RASAL3: variants seen among roughly 807,000 people sequenced by gnomAD.
RASAL3 encodes the protein RAS protein activator like 3, also known as RAS protein activator like-3.
RASAL3 carries 74 observed loss-of-function variants against 105.5 expected under a neutral mutation model. The observed-to-expected ratio is 0.70, with a 90% CI of 0.58 to 0.85. RASAL3 has a LOEUF of 0.85. Ranked by LOEUF, RASAL3 falls within the 40% of genes least tolerant of loss-of-function variation. RASAL3 has a pLI of 0.00. For synonymous variants in RASAL3, 579 were observed against 591.6 expected, an observed-to-expected ratio of 0.98 and a Z score of 0.31; for missense variants, 1,352 against 1,392.0, an observed-to-expected ratio of 0.97 and a Z score of 0.46.
chr19:15,461,754 CT>C, intron 2 of RASAL3, 147 bp from the exon 3 acceptor site: 2 of 1,225,260 alleles, frequency 1.6e-6, no homozygotes, highest in Non-Finnish European at 2.1e-6. Context: ...CTTGGGCAAG[CT>C]TTCATCGCTG....
In RASAL3 at chr19:15,456,310, TCCTCCAA is replaced by T; in HGVS notation, c.1577-69_1577-63del. ...TGACCACCAAAACCTGCCACACCCATCCTCCAACCTTGTCTTCAGGTTATTCCGGAGG... is the reference window on the plus strand; with the variant it reads ...TGACCACCAAAACCTGCCACACCCATCCTTGTCTTCAGGTTATTCCGGAGG... On this transcript the variant is annotated intron_variant, in intron 10 of 17. Transcript: ENST00000343625. This position sits in a 1 kb window ranked among gnomAD's most constrained non-coding sequence, Gnocchi z 4.4. 1 of 1,589,288 alleles carries T rather than the reference TCCTCCAA, an allele frequency of 6.3e-7. No homozygotes were observed. The highest frequency in any genetic ancestry group is 8.6e-7 in the Non-Finnish European group (1 of 1,164,476).
At position 15,461,365 on chromosome 19, in the gene RASAL3, G is replaced by C. The variant is rs1000266910; in HGVS notation, c.466-69C>G. 31 of 1,546,544 alleles carry C rather than the reference G, an allele frequency of 2.0e-5. No homozygotes were observed. The Middle Eastern group carries it at 5.0e-4, about 25-fold the overall frequency. Reference sequence around the variant, plus strand: ...AGGCAGGCAGGCAGGCAGACCGAGGGAGAGGCAGACACCTTCCCATTATCC... The same window carrying C: ...AGGCAGGCAGGCAGGCAGACCGAGGCAGAGGCAGACACCTTCCCATTATCC... On this transcript the variant is annotated intron_variant, in intron 3 of 17. Transcript: ENST00000343625.
At position 15,456,234 on chromosome 19, in the gene RASAL3, G is replaced by T; in HGVS notation, c.1591C>A (p.Arg531Ser). 6.2e-7 allele frequency: 1 copy of T among 1,613,690 alleles called. No homozygotes were observed. Among genetic ancestry groups the T allele is most frequent in the Non-Finnish European group, 8.5e-7 (1 of 1,179,752 alleles). Residue 531 changes from arginine to serine, a missense_variant, in exon 11 of 18, where the codon CGT becomes AGT. Arg to Ser is a moderately radical substitution (Grantham distance 110, BLOSUM62 -1). Coordinates refer to ENST00000343625, the MANE Select transcript of RASAL3 (RefSeq NM_022904.3). This position sits in a 1 kb window ranked among gnomAD's most constrained non-coding sequence, Gnocchi z 4.4. The part of the protein sequence containing the change: ...LQETLGQVVR[R>S]LCASTEDCEV... ...CAGTCCTCAGTAGAAGCACAGAGAC[G>T]CCGCACAACCTGTCCTGCAGCCCAG...
chr19:15,464,217 T>G lies in RASAL3; in HGVS notation c.142A>C (p.Arg48=). The change falls in exon 2 of 18, where the codon AGG becomes CGG. Residue 48 remains arginine (R), a synonymous_variant. Transcript: ENST00000343625. ...FRWGRFAGWG[R]ALSHQEPMVS... ...ATGGGCTCCTGGTGGCTCAGGGCCCTGCCCCAGCCAGCAAAGCGGCCCCAG... is the reference window on the plus strand; with the variant it reads ...ATGGGCTCCTGGTGGCTCAGGGCCCGGCCCCAGCCAGCAAAGCGGCCCCAG... 3.1e-6 allele frequency: 5 copies of G among 1,609,516 alleles called. No individual in the cohort carries two copies. The highest frequency in any genetic ancestry group is 4.2e-6 in the Non-Finnish European group (5 of 1,178,616).
Position 15,453,614 on chromosome 19 carries a change from G to C in RASAL3, c.2280-117C>G. The C allele has an allele frequency of 1.0e-6, 1 of 967,594 alleles. No individual in the cohort carries two copies. Among genetic ancestry groups the C allele is most frequent in the Non-Finnish European group, 1.4e-6 (1 of 700,596 alleles). The allele number at this position is 967,594 out of a possible 1,614,324, so 59.9% of individuals were successfully genotyped here. A position where few individuals can be genotyped will look rare whatever the true frequency, so the allele number is the denominator to read the frequency against. On this transcript the variant is annotated intron_variant, in intron 14 of 17. Coordinates refer to ENST00000343625, the MANE Select transcript of RASAL3 (RefSeq NM_022904.3). The surrounding 1 kb of genome is among the most constrained non-coding windows in gnomAD (Gnocchi z 4.2). The stretch of plus-strand genomic sequence containing the variant: ...AACTTGTCCTTTCTTTTTTTTTTTT[G>C]AGACAAGGTCTTGCTCTGTCGCCCA...
In RASAL3 at chr19:15,457,181, G is replaced by A; in HGVS notation, c.1431+111C>T. 1.1e-6 allele frequency: 1 copy of A among 942,010 alleles called. No homozygotes were observed. The highest frequency in any genetic ancestry group is 3.6e-5 in the South Asian group (1 of 28,098). 58.4% of individuals were successfully genotyped at this position (942,010 alleles called of 1,614,324 possible). A position where few individuals can be genotyped will look rare whatever the true frequency, so the allele number is the denominator to read the frequency against. On this transcript the variant is annotated intron_variant, in intron 9 of 17. Coordinates refer to ENST00000343625, the MANE Select transcript of RASAL3 (RefSeq NM_022904.3). The surrounding 1 kb of genome is among the most constrained non-coding windows in gnomAD (Gnocchi z 8.6). Reference sequence around the variant, plus strand: ...GACCACGCCCCTCACACCCCTTCAAGGTGTCTCCCCCATTACAGGTGCAAC... The same window carrying A: ...GACCACGCCCCTCACACCCCTTCAAAGTGTCTCCCCCATTACAGGTGCAAC...
intron 14 of RASAL3, 74 bp downstream of exon 14, chr19:15,454,075 C>T (rs1970240710): frequency 1.9e-6 from 2 of 1,076,962 alleles, no homozygotes; most frequent in Admixed American, 2.4e-5. Flanking sequence ...GATCCAACTT[C>T]ACCTCTGACC....
In RASAL3 at chr19:15,456,077, C is replaced by A. The variant is rs573078904; in HGVS notation, c.1721+27G>T. 1 of 1,608,238 alleles carries A rather than the reference C, an allele frequency of 6.2e-7. No homozygotes were observed. ...GGCTAGCATGGTAAGCAGGGGTGGGCTAAGCTGCTGGGGCCCTGATTCTCA... is the reference window on the plus strand; with the variant it reads ...GGCTAGCATGGTAAGCAGGGGTGGGATAAGCTGCTGGGGCCCTGATTCTCA... On this transcript the variant is annotated intron_variant, in intron 11 of 17. Transcript: ENST00000343625. The surrounding 1 kb of genome is among the most constrained non-coding windows in gnomAD (Gnocchi z 4.4).
chr19:15,463,146 T>C (rs1343954699), intron 2 of RASAL3, among the ~76,000 whole-genome samples: 3 of 150,628 alleles, frequency 2.0e-5, no homozygotes, highest in African/African-American at 7.3e-5. Flanking sequence ...AGTGCAGTAG[T>C]GCAATCTCAG....
Position 15,457,172 on chromosome 19 carries a change from C to A in RASAL3, c.1431+120G>T, listed in dbSNP as rs942873519. The A allele has an allele frequency of 9.1e-6, 8 of 881,164 alleles. No homozygotes were observed. The Admixed American group carries it at 1.2e-4, about 14-fold the overall frequency. 54.6% of individuals were successfully genotyped at this position (881,164 alleles called of 1,614,324 possible). A position where few individuals can be genotyped will look rare whatever the true frequency, so the allele number is the denominator to read the frequency against. On this transcript the variant is annotated intron_variant, in intron 9 of 17. Coordinates refer to ENST00000343625, the MANE Select transcript of RASAL3 (RefSeq NM_022904.3). This position sits in a 1 kb window ranked among gnomAD's most constrained non-coding sequence, Gnocchi z 8.6. ...TGACACTTGGACCACGCCCCTCACACCCCTTCAAGGTGTCTCCCCCATTAC... is the reference window on the plus strand; with the variant it reads ...TGACACTTGGACCACGCCCCTCACAACCCTTCAAGGTGTCTCCCCCATTAC...
rs1970369482 is a variant in RASAL3, at chr19:15,457,672, A to G, written c.1051T>C (p.Trp351Arg). The change falls in exon 9 of 18, where the codon TGG becomes CGG. Residue 351 changes from tryptophan (W) to arginine (R), a missense_variant. Around this residue, in one of 3 missense-constraint regions of RASAL3, gnomAD observed 920 missense variants for 919.6 expected, o/e 1.00. Coordinates refer to ENST00000343625, the MANE Select transcript of RASAL3 (RefSeq NM_022904.3). The surrounding 1 kb of genome is among the most constrained non-coding windows in gnomAD (Gnocchi z 8.6). ...APRAGPGQLF[W>R]AERFHFEALP... Reference sequence around the variant, plus strand: ...GCCTCGAAGTGGAAGCGCTCGGCCCAGAAGAGCTGGCCTGGGCCGGCCCGA... The same window carrying G: ...GCCTCGAAGTGGAAGCGCTCGGCCCGGAAGAGCTGGCCTGGGCCGGCCCGA... 1.4e-6 allele frequency: 2 copies of G among 1,449,530 alleles called. No homozygotes were observed. Among genetic ancestry groups the G allele is most frequent in the Non-Finnish European group, 1.8e-6 (2 of 1,103,152 alleles). The allele number at this position is 1,449,530 out of a possible 1,614,324, so 89.8% of individuals were successfully genotyped here.
rs148980344 is a variant in RASAL3, at chr19:15,457,227, C to A, written c.1431+65G>T. 25,888 of 1,211,104 alleles carry A rather than the reference C, an allele frequency of 0.021. 336 individuals are homozygous for A. The highest frequency in any genetic ancestry group is 0.024 in the Non-Finnish European group (23,326 of 965,096). The allele number at this position is 1,211,104 out of a possible 1,614,324, so 75.0% of individuals were successfully genotyped here. On this transcript the variant is annotated intron_variant, in intron 9 of 17. Transcript: ENST00000343625. The surrounding 1 kb of genome is among the most constrained non-coding windows in gnomAD (Gnocchi z 8.6). Reference sequence around the variant, plus strand: ...GCAACTCAGGTCCTGCGCCCCAACTCCTGCCCGAAGCGCGTTATCGGTCTA... The same window carrying A: ...GCAACTCAGGTCCTGCGCCCCAACTACTGCCCGAAGCGCGTTATCGGTCTA...
chr19:15,457,450 G>T lies in RASAL3; in HGVS notation c.1273C>A (p.Arg425Ser). ...LRARIRARRLRVLPSERYKEL... is the reference protein window; with the variant it reads ...LRARIRARRLSVLPSERYKEL... ...TTGTAGCGCTCGGACGGCAGCACGC[G>T]CAGGCGACGCGCCCGAATCCGCGCC... The change falls in exon 9 of 18, where the codon CGC (arginine) becomes AGC (serine). Residue 425 changes from arginine (R) to serine (S), a missense_variant. Transcript: ENST00000343625. This position sits in a 1 kb window ranked among gnomAD's most constrained non-coding sequence, Gnocchi z 8.6. The T allele has an allele frequency of 7.1e-7, 1 of 1,406,528 alleles. No individual in the cohort carries two copies. Among genetic ancestry groups the T allele is most frequent in the Non-Finnish European group, 9.2e-7 (1 of 1,081,624 alleles). The allele number at this position is 1,406,528 out of a possible 1,614,324, so 87.1% of individuals were successfully genotyped here.
chr19:15,453,097 C>T lies in RASAL3; in HGVS notation c.2670+10G>A. 1 of 1,613,354 alleles carries T rather than the reference C, an allele frequency of 6.2e-7. No homozygotes were observed. ...CCACTCCCCAGGCGCGGACCTGGGC[C>T]TGACCTTACCTTGTTCACAGGTCGG... On this transcript the variant is annotated intron_variant, in intron 15 of 17. Transcript: ENST00000343625. The surrounding 1 kb of genome is among the most constrained non-coding windows in gnomAD (Gnocchi z 4.2).
At chr19:15,452,526 A>C (rs1599730565) in intron 16 of RASAL3, 132 bp downstream of exon 16, 2 of 757,708 alleles carry the variant, frequency 2.6e-6, no homozygotes, top group Non-Finnish European at 2.0e-6. Context: ...GCCTGGACAG[A>C]CTTATTGGGG....
At position 15,454,449 on chromosome 19, in the gene RASAL3, G is replaced by A. The variant is rs753165279; in HGVS notation, c.2072C>T (p.Pro691Leu). The A allele has an allele frequency of 5.6e-6, 9 of 1,614,000 alleles. No homozygotes were observed. The South Asian group carries it at 9.9e-5, about 18-fold the overall frequency. Reference protein sequence around the residue: ...QVAMVDVDAAPSGYQGSGDLA... With the variant: ...QVAMVDVDAALSGYQGSGDLA... ...ATCACCACTGCCCTGGTAACCACTG[G>A]GGGCAGCATCCACATCCACCATGGC... is the stretch of plus-strand genomic sequence containing the variant. The change falls in exon 13 of 18, where the codon CCC (proline) becomes CTC (leucine). Residue 691 changes from proline (P) to leucine (L), a missense_variant. Pro to Leu is a moderately conservative substitution (Grantham distance 98). This residue lies in a region of RASAL3 where 920 missense variants were observed against 919.6 expected (regional missense o/e 1.00). Coordinates refer to ENST00000343625, the MANE Select transcript of RASAL3 (RefSeq NM_022904.3).
chr19:15,462,779 T>C (rs1182649879), intron 2 of RASAL3, among the ~76,000 whole-genome samples: 3 of 151,956 alleles, frequency 2.0e-5, no homozygotes, highest in Non-Finnish European at 4.4e-5. Context: ...AGTGAAACCC[T>C]GTCTCTACTA....
At chr19:15,458,046 T>C (rs781179388) in intron 8 of RASAL3, 100 of 647,884 alleles carry the variant, frequency 1.5e-4, no homozygotes, top group Non-Finnish European at 2.4e-4. Context: ...AGTTGGGGGC[T>C]CCAGGGCATA....
chr19:15,464,279 G>T lies in RASAL3; in HGVS notation c.80C>A (p.Thr27Lys), dbSNP rs1307892327. 1 of 1,611,408 alleles carries T rather than the reference G, an allele frequency of 6.2e-7. No homozygotes were observed. Among genetic ancestry groups the T allele is most frequent in the Non-Finnish European group, 8.5e-7 (1 of 1,179,218 alleles). The change falls in exon 2 of 18, where the codon ACA (threonine) becomes AAA (lysine). Residue 27 changes from threonine to lysine, a missense_variant. Physicochemically the swap from Thr to Lys is moderately conservative, Grantham distance 78 (BLOSUM62 -1). This residue lies in a region of RASAL3 where 344 missense variants were observed against 339.6 expected (regional missense o/e 1.01). Transcript: ENST00000343625. ...AGCCGCCTTCTCCCCACCGCCCCCT[G>T]TGTGCCAGCGGTAGGAAGTCAGCGG... ...TSPLTSYRWH[T>K]GGGGEKAAGG...
Sources: allele counts gnomAD v4.1 joint callset (sites outside exome capture counted in the v4.1 genomes callset), GRCh38; gene constraint gnomAD v4.1.1; regional missense constraint gnomAD v4.1.1; non-coding constraint Gnocchi (gnomAD v3.1); transcripts MANE v1.5; gene names NCBI Gene and HGNC (gene_info 2026-07-23, HGNC 2026-07-21).